The following DOCK9 variants were observed in gnomAD, a reference collection of about 807,000 sequenced individuals.
DOCK9 encodes the protein dedicator of cytokinesis 9.
DOCK9 carries 89 observed loss-of-function variants against 263.3 expected under a neutral mutation model. The observed-to-expected ratio is 0.34, with a 90% CI of 0.28 to 0.40. The LOEUF is 0.40. Ranked by LOEUF, DOCK9 falls within the 10% of genes least tolerant of loss-of-function variation. The pLI, the probability that DOCK9 is intolerant of heterozygous loss-of-function variation, is 1.00. For missense variants in DOCK9, 2,140 were observed against 2,603.4 expected (o/e 0.82, Z 3.87); for synonymous variants, 976 against 973.1 (o/e 1.00, Z -0.06).
Position 98,971,774 on chromosome 13 carries a change from C to A in DOCK9, c.126+6010G>T, listed in dbSNP as rs1378279069. Among the ~76,000 whole-genome samples, 9 of 152,292 alleles carry A rather than the reference C, an allele frequency of 5.9e-5. No individual in the cohort carries two copies. In the South Asian group the frequency reaches 1.2e-3, roughly 21 times the overall value. On this transcript the variant is annotated intron_variant, in intron 1 of 52. Transcript: ENST00000682017. ...ATTCTTAGACTCTCACCAGTCTATG[C>A]TCCTATGTAACTTTCTGGGAAGATG...
chr13:98,868,495 G>T, intron 27 of DOCK9, 118 bp from the exon 28 acceptor site: 1 of 1,195,946 alleles, frequency 8.4e-7, no homozygotes, highest in Non-Finnish European at 1.1e-6. Context: ...TGGGTGCTGT[G>T]GCTCACACTT....
At chr13:99,069,394 T>C (rs1425958474) in intron 1 of DOCK9, among the ~76,000 whole-genome samples, 2 of 152,324 alleles carry the variant, frequency 1.3e-5, no homozygotes, top group Admixed American at 1.3e-4. Flanking sequence ...ACCAACAAAC[T>C]AGCTTGGGAC....
intron 25 of DOCK9, among the ~76,000 whole-genome samples, chr13:98,880,983 CT>C (rs541620214): frequency 6.6e-6 from 1 of 152,164 alleles, no homozygotes; most frequent in Non-Finnish European, 1.5e-5. Context: ...AGGACCAGAA[CT>C]TTACTTTTTA....
chr13:98,826,723 A>G (rs2092556395), intron 44 of DOCK9, 107 bp downstream of exon 44: 2 of 889,698 alleles, frequency 2.2e-6, no homozygotes, highest in Non-Finnish European at 1.7e-6. Flanking sequence ...CACTTCACAA[A>G]CACACAAATC....
chr13:98,917,536 A>T (rs2051082466), intron 7 of DOCK9, among the ~76,000 whole-genome samples: 1 of 152,194 alleles, frequency 6.6e-6, no homozygotes, highest in Non-Finnish European at 1.5e-5. Context: ...CAGCTAAGAG[A>T]CATCCACATT....
In DOCK9 at chr13:98,829,252, T is replaced by TGGG; in HGVS notation, c.4965+52_4965+54dup. On this transcript the variant is annotated intron_variant, in intron 43 of 52. Coordinates refer to ENST00000682017, the MANE Select transcript of DOCK9 (RefSeq NM_001366683.2). The surrounding 1 kb of genome is among the most constrained non-coding windows in gnomAD (Gnocchi z 4.1). ...TCTCAAAACTGGCTTTTTAAGTGAA[T>TGGG]GGGGCCTCACTGGTTTTTTCAAAAA... 4.0e-6 allele frequency: 6 copies of TGGG among 1,500,350 alleles called. No homozygotes were observed. The highest frequency in any genetic ancestry group is 5.4e-6 in the Non-Finnish European group (6 of 1,103,922). 92.9% of individuals were successfully genotyped at this position (1,500,350 alleles called of 1,614,324 possible).
intron 27 of DOCK9, among the ~76,000 whole-genome samples, chr13:98,872,494 C>T (rs778355606): frequency 2.6e-5 from 4 of 152,040 alleles, no homozygotes; most frequent in Non-Finnish European, 5.9e-5. Context: ...GTAGCCTCAT[C>T]CTCCAGGGCT....
At chr13:99,031,438 C>A (rs1055782253) in intron 1 of DOCK9, among the ~76,000 whole-genome samples, 1 of 152,126 alleles carries the variant, frequency 6.6e-6, no homozygotes, top group Non-Finnish European at 1.5e-5. Flanking sequence ...CACATTAAAT[C>A]CTGTTAACAA....
intron 1 of DOCK9, among the ~76,000 whole-genome samples, chr13:99,056,812 C>T (rs1284810437): frequency 6.6e-6 from 1 of 152,230 alleles, no homozygotes; most frequent in African/African-American, 2.4e-5. Context: ...GACAGGCCTT[C>T]CCTGGAGGCC....
chr13:98,884,033 C>A (rs2045288826), intron 21 of DOCK9, 134 bp from the exon 22 acceptor site: 1 of 614,170 alleles, frequency 1.6e-6, no homozygotes, highest in Non-Finnish European at 2.8e-6. Context: ...CTGTGCCGGG[C>A]CCATGGCAGG....
At chr13:98,874,942 C>G (rs975434624) in intron 27 of DOCK9, among the ~76,000 whole-genome samples, 3 of 152,136 alleles carry the variant, frequency 2.0e-5, no homozygotes, top group African/African-American at 7.2e-5. Flanking sequence ...CCCCTCTAAT[C>G]TCAATCTATC....
At chr13:99,021,976 A>T (rs77008858) in intron 1 of DOCK9, among the ~76,000 whole-genome samples, 7 of 152,316 alleles carry the variant, frequency 4.6e-5, no homozygotes, top group East Asian at 1.9e-4. Context: ...ACTTAAAATT[A>T]AAAAAAGACT....
At chr13:98,977,681 T>G in intron 1 of DOCK9, 103 bp downstream of exon 1, 1 of 1,123,784 alleles carries the variant, frequency 8.9e-7, no homozygotes, top group Non-Finnish European at 1.2e-6. Context: ...GCAGAGCAAG[T>G]TTTGAAATCA....
intron 45 of DOCK9, among the ~76,000 whole-genome samples, chr13:98,813,831 G>A (rs187161814): frequency 1.4e-4 from 21 of 152,000 alleles, no homozygotes; most frequent in African/African-American, 5.1e-4. Flanking sequence ...AGTAGAGACA[G>A]GGTTTCTCCA....
intron 1 of DOCK9, among the ~76,000 whole-genome samples, chr13:99,043,598 G>T (rs1888681685): frequency 6.6e-6 from 1 of 152,134 alleles, no homozygotes; most frequent in South Asian, 2.1e-4. Context: ...TGCCAAACAG[G>T]TCCACAAACA....
chr13:99,033,330 G>A lies in DOCK9; in HGVS notation c.129+52893C>T, dbSNP rs1329579045. On this transcript the variant is annotated intron_variant, in intron 1 of 32. Transcript: ENST00000427887. ...GGGCTGCTCTGGAAGGATCAACCAG[G>A]ACCAATAAGTAAAAACTCTAATAAC... is the stretch of plus-strand genomic sequence containing the variant. Among the ~76,000 whole-genome samples the A allele has an allele frequency of 5.3e-5, 8 of 152,298 alleles. No homozygotes were observed. In the East Asian group the frequency reaches 1.5e-3, roughly 29 times the overall value.
At chr13:99,081,576 T>C (rs1207799750) in intron 1 of DOCK9, among the ~76,000 whole-genome samples, 4 of 152,210 alleles carry the variant, frequency 2.6e-5, no homozygotes, top group African/African-American at 7.2e-5. Context: ...AGCATGCCCA[T>C]GCAAAGGGAT....
intron 45 of DOCK9, among the ~76,000 whole-genome samples, chr13:98,821,826 C>T (rs895584435): frequency 6.6e-5 from 10 of 152,178 alleles, no homozygotes; most frequent in African/African-American, 2.4e-4. Flanking sequence ...CTTAAAGTCA[C>T]TTTAGAGAAC....
chr13:98,815,664 G>A (rs971848441), intron 45 of DOCK9, among the ~76,000 whole-genome samples: 2 of 152,070 alleles, frequency 1.3e-5, no homozygotes, highest in Non-Finnish European at 2.9e-5. Flanking sequence ...TGTATTTTTA[G>A]TAGAGATGGG....
Sources: gnomAD v4.1 joint callset for allele counts (sites outside exome capture counted in the v4.1 genomes callset) on GRCh38, gnomAD v4.1.1 for gene constraint, Gnocchi (gnomAD v3.1) non-coding constraint, MANE v1.5 for transcripts, NCBI Gene and HGNC (gene_info 2026-07-23, HGNC 2026-07-21) for gene names.